CUL4B: variants seen among roughly 807,000 people sequenced by gnomAD.
CUL4B encodes cullin-4B.
CUL4B carries 1 observed loss-of-function variant against 69.2 expected under a neutral mutation model. That is an observed-to-expected ratio of 0.01 (90% CI 0.01 to 0.07). The LOEUF (loss-of-function observed/expected upper bound fraction) is 0.07, where lower values mean the gene tolerates loss of function less well. Among genes scored for constraint, CUL4B ranks in the 10% least tolerant of loss-of-function variants. The pLI, the probability that CUL4B is intolerant of heterozygous loss-of-function variation, is 1.00. For synonymous variants in CUL4B, 237 were observed against 223.2 expected (o/e 1.06, Z -0.55); for missense variants, 328 against 638.8 (o/e 0.51, Z 5.24).
At chrX:120,565,975 G>A (rs1925498616), upstream of CUL4B, among the ~76,000 whole-genome samples, 10 of 107,754 alleles carry the variant, frequency 9.3e-5, no homozygotes, top group Admixed American at 9.1e-4. Context: ...TGATCCGCCC[G>A]CCTCGGCCTC....
At chrX:120,541,000 T>C (rs2147330442) in intron 10 of CUL4B, among the ~76,000 whole-genome samples, 1 of 112,339 alleles carries the variant, frequency 8.9e-6, no homozygotes, top group East Asian at 2.8e-4. Context: ...AAAATGGCAA[T>C]CTGGCTTTAG....
At chrX:120,531,108 G>A (rs773673177) in intron 18 of CUL4B, among the ~76,000 whole-genome samples, 1 of 110,723 alleles carries the variant, frequency 9.0e-6, no homozygotes, top group African/African-American at 3.3e-5. Flanking sequence ...CGGATCATGA[G>A]GTCAGGAGTT....
chrX:120,551,702 A>G (rs1403906198), intron 2 of CUL4B, among the ~76,000 whole-genome samples: 1 of 112,303 alleles, frequency 8.9e-6, no homozygotes, highest in Non-Finnish European at 1.9e-5. Flanking sequence ...TCATTACTCT[A>G]TGTGATGCAT....
In CUL4B at chrX:120,538,141, T is replaced by C; in HGVS notation, c.1921A>G (p.Met641Val). ...ACTTTTACCTGTTTGAACTGAATCA[T>C]GATGTCTTTAGAAAGTTCCATGTCT... The part of the protein sequence containing the change: ...FKDMELSKDI[M>V]IQFKQYMQNQ... The change falls in exon 14 of 20, where the codon ATG (methionine) becomes GTG (valine). Residue 641 changes from methionine (M) to valine (V), a missense_variant. Around this residue, in one of 4 missense-constraint regions of CUL4B, gnomAD observed 98 missense variants for 296.8 expected, o/e 0.33. Transcript: ENST00000371322. 8.3e-7 allele frequency: 1 copy of C among 1,198,211 alleles called. No individual in the cohort carries two copies. Among genetic ancestry groups the C allele is most frequent in the Admixed American group, 2.2e-5 (1 of 45,899 alleles).
intron 2 of CUL4B, among the ~76,000 whole-genome samples, chrX:120,573,793 C>T (rs1436174421): frequency 9.8e-5 from 11 of 112,003 alleles, no homozygotes; most frequent in Non-Finnish European, 2.1e-4. Flanking sequence ...TTTCATTACG[C>T]TAGATGTTCT....
chrX:120,546,009 T>C (rs1439953011), intron 4 of CUL4B, among the ~76,000 whole-genome samples: 1 of 110,470 alleles, frequency 9.1e-6, no homozygotes, highest in Non-Finnish European at 1.9e-5. Context: ...GGTAATCAAA[T>C]AGTGGACAGG....
At chrX:120,538,264 G>T in intron 13 of CUL4B, 55 bp from the exon 14 acceptor site, 1 of 795,680 alleles carries the variant, frequency 1.3e-6, no homozygotes, top group Non-Finnish European at 1.9e-6. Context: ...AACAAAAGAG[G>T]TTTAAAAGTG....
upstream of CUL4B, chrX:120,561,570 G>C (rs768498652): frequency 1.9e-5 from 6 of 324,226 alleles, no homozygotes; most frequent in East Asian, 3.2e-4. Context: ...GGGGGGTGGC[G>C]GGAGGAGCGG....
intron 7 of CUL4B, 33 bp from the exon 8 acceptor site, chrX:120,543,842 CTCCCCA>C (rs776507092): frequency 2.0e-6 from 2 of 1,025,087 alleles, no homozygotes; most frequent in Non-Finnish European, 2.7e-6. Context: ...TATTGTTTTC[CTCCCCA>C]TAAATCATTC....
intron 19 of CUL4B, among the ~76,000 whole-genome samples, chrX:120,528,103 G>A (rs945607956): frequency 3.6e-5 from 4 of 111,813 alleles, no homozygotes; most frequent in African/African-American, 1.3e-4. Context: ...GATTTAAAAC[G>A]TACTGATGAA....
rs1321902219 is a variant in CUL4B, at chrX:120,543,531, CA to C, written c.1256+195del. ...ACACACACACACACACACACACACACACCCCTAATAATCGAATCCTTGGATG... is the reference window on the plus strand; with the variant it reads ...ACACACACACACACACACACACACACCCCCTAATAATCGAATCCTTGGATG... On this transcript the variant is annotated intron_variant, in intron 8 of 19. Coordinates refer to ENST00000371322, the MANE Select transcript of CUL4B (RefSeq NM_001079872.2). 6.8e-4 allele frequency among the ~76,000 whole-genome samples: 64 copies of C among 93,647 alleles called. No homozygotes were observed. In the South Asian group the frequency reaches 9.6e-3, roughly 14 times the overall value. 81.3% of individuals were successfully genotyped at this position (93,647 alleles called of 115,157 possible).
At chrX:120,542,415 G>C (rs747747919) in intron 9 of CUL4B, among the ~76,000 whole-genome samples, 21 of 111,161 alleles carry the variant, frequency 1.9e-4, no homozygotes, top group Admixed American at 5.8e-4. Context: ...TATTATTGGG[G>C]AGAAAGGTAA....
chrX:120,569,361 CTTTTTTT>C (rs1172319824), downstream of CUL4B, among the ~76,000 whole-genome samples: 4 of 96,202 alleles, frequency 4.2e-5, no homozygotes, highest in African/African-American at 7.5e-5. Context: ...AGGGAAGTTT[CTTTTTTT>C]TTTTTTTTTT....
chrX:120,550,734 T>C (rs1924639194), intron 2 of CUL4B, among the ~76,000 whole-genome samples: 1 of 111,702 alleles, frequency 9.0e-6, no homozygotes, highest in Non-Finnish European at 1.9e-5. Context: ...TAATTTAGCC[T>C]TGACTGCTTA....
At chrX:120,568,584 T>C (rs142005526), downstream of CUL4B, among the ~76,000 whole-genome samples, 1 of 112,220 alleles carries the variant, frequency 8.9e-6, no homozygotes, top group Non-Finnish European at 1.9e-5. Context: ...AACAAAAATA[T>C]ATTGAGCAAA....
chrX:120,562,710 A>G (rs1925373681), upstream of CUL4B, among the ~76,000 whole-genome samples: 1 of 111,513 alleles, frequency 9.0e-6, no homozygotes, highest in Non-Finnish European at 1.9e-5. Flanking sequence ...TGGGGAACGG[A>G]AACAAGGGCA....
At chrX:120,555,941 CA>C (rs752944156) in intron 2 of CUL4B, among the ~76,000 whole-genome samples, 3,953 of 41,931 alleles carry the variant, frequency 0.094, 262 homozygotes, top group African/African-American at 0.26. Flanking sequence ...GACTCCATCT[CA>C]AAAAAAAAAA....
At chrX:120,530,590 TA>T (rs1264701308) in intron 18 of CUL4B, among the ~76,000 whole-genome samples, 8 of 112,490 alleles carry the variant, frequency 7.1e-5, no homozygotes, top group African/African-American at 2.6e-4. Flanking sequence ...TAAATGTGTG[TA>T]TCAGTTTCAA....
At chrX:120,568,635 A>G (rs1339141114), downstream of CUL4B, among the ~76,000 whole-genome samples, 1 of 112,625 alleles carries the variant, frequency 8.9e-6, no homozygotes, top group African/African-American at 3.2e-5. Context: ...GTGAGGGAAT[A>G]CAGAATAACA....
Sources: gnomAD v4.1 joint callset for allele counts (sites outside exome capture counted in the v4.1 genomes callset) on GRCh38, gnomAD v4.1.1 for gene constraint, gnomAD v4.1.1 regional missense constraint, MANE v1.5 for transcripts, NCBI Gene and HGNC (gene_info 2026-07-23, HGNC 2026-07-21) for gene names.